The following OPN1SW variants were observed in gnomAD, a reference collection of about 807,000 sequenced individuals.
The protein encoded by OPN1SW is short-wave-sensitive opsin 1.
OPN1SW carries 25 observed loss-of-function variants against 31.9 expected under a neutral mutation model. The ratio of observed to expected loss-of-function variants is 0.78; its 90% CI spans 0.57 to 1.09. The LOEUF (loss-of-function observed/expected upper bound fraction) is 1.09, where lower values mean the gene tolerates loss of function less well. Among genes scored for constraint, OPN1SW ranks in the 50% least tolerant of loss-of-function variants. The probability of loss-of-function intolerance (pLI) is 0.00; values close to 1 mark genes in which losing one functional copy is unlikely to be tolerated. For missense variants in OPN1SW, 424 were observed against 448.0 expected (o/e 0.95, Z 0.48); for synonymous variants, 190 against 171.9 (o/e 1.11, Z -0.82).
At position 128,774,836 on chromosome 7, in the gene OPN1SW, G is replaced by A. The variant is rs138123241; in HGVS notation, c.512+150C>T. On this transcript the variant is annotated intron_variant, in intron 2 of 4. Transcript: ENST00000249389. The stretch of plus-strand genomic sequence containing the variant: ...CAGCAATTCCAACTGCAGAGTAAAC[G>A]TTAGCACTTGTCTCCCACTGCCCTT... The A allele has an allele frequency of 1.1e-3, 1,470 of 1,300,760 alleles. 44 individuals carry two copies. The Admixed American group carries it at 0.028, about 24-fold the overall frequency. 80.6% of individuals were successfully genotyped at this position (1,300,760 alleles called of 1,614,324 possible). A position where few individuals can be genotyped will look rare whatever the true frequency, so the allele number is the denominator to read the frequency against.
At chr7:128,774,286 A>T (rs1585028409) in intron 3 of OPN1SW, among the ~76,000 whole-genome samples, 1 of 151,862 alleles carries the variant, frequency 6.6e-6, no homozygotes, top group East Asian at 1.9e-4. Context: ...GGGATGGGGG[A>T]GGGGGCATCC....
At chr7:128,774,773 C>T (rs1585028736) in intron 2 of OPN1SW, 110 bp from the exon 3 acceptor site, 1 of 1,496,528 alleles carries the variant, frequency 6.7e-7, no homozygotes, top group East Asian at 2.4e-5. Flanking sequence ...CCTAAGGCTT[C>T]AAGCAGGGGG....
rs777850656 is a variant in OPN1SW, at chr7:128,775,033, C to T, written c.465G>A (p.Trp155Ter). ...GGATGGAGACGCCAATACCAATGGTCCAGGTAGCCAGGACCACCGTCAGTG... is the reference window on the plus strand; with the variant it reads ...GGATGGAGACGCCAATACCAATGGTTCAGGTAGCCAGGACCACCGTCAGTG... ...KHALTVVLAT[W>*]TIGIGVSIPP... The change falls in exon 2 of 5, where the codon TGG (tryptophan) becomes TGA (stop). Residue 155 changes from tryptophan to a stop codon, truncating the protein, a stop_gained. Transcript: ENST00000249389. LOFTEE classifies it high-confidence loss of function. 1 of 1,614,190 alleles carries T rather than the reference C, an allele frequency of 6.2e-7. No individual in the cohort carries two copies. Among genetic ancestry groups the T allele is most frequent in the Non-Finnish European group, 8.5e-7 (1 of 1,180,036 alleles).
chr7:128,772,774 T>A, intron 4 of OPN1SW, 115 bp from the exon 5 acceptor site: 1 of 1,403,646 alleles, frequency 7.1e-7, no homozygotes, highest in Non-Finnish European at 1.0e-6. Flanking sequence ...CAGAATGCCC[T>A]TAGGTGGTTT....
intron 4 of OPN1SW, among the ~76,000 whole-genome samples, chr7:128,772,937 C>G (rs926772265): frequency 5.3e-5 from 8 of 152,178 alleles, no homozygotes; most frequent in Non-Finnish European, 2.9e-5. Flanking sequence ...AGCAGAGGCC[C>G]CTCCATTACT....
Position 128,773,699 on chromosome 7 carries a change from T to C in OPN1SW, c.868A>G (p.Lys290Glu). 1.2e-6 allele frequency: 2 copies of C among 1,614,212 alleles called. No individual in the cohort carries two copies. Among genetic ancestry groups the C allele is most frequent in the Non-Finnish European group, 1.7e-6 (2 of 1,180,034 alleles). ...ATGGGATTGTAGATGCAAGCACTCT[T>C]GGAGAAGAATGAAGGAATGGTGACA... ...RLVTIPSFFS[K>E]SACIYNPIIY... The change falls in exon 4 of 5, where the codon AAG becomes GAG. Residue 290 changes from lysine to glutamate, a missense_variant. Coordinates refer to ENST00000249389, the MANE Select transcript of OPN1SW (RefSeq NM_001385125.1).
Position 128,773,851 on chromosome 7 carries a change from T to C in OPN1SW, c.716A>G (p.Lys239Arg). 1 of 1,612,990 alleles carries C rather than the reference T, an allele frequency of 6.2e-7. No homozygotes were observed. Among genetic ancestry groups the C allele is most frequent in the Non-Finnish European group, 8.5e-7 (1 of 1,180,006 alleles). The part of the protein sequence containing the change: ...AQQQESATTQ[K>R]AEREVSRMVV... ...CATGCGGCTCACCTCCCGTTCAGCC[T>C]TCTGGGTCGTAGCTGACTCCTGCTG... The change falls in exon 4 of 5, where the codon AAG becomes AGG. Residue 239 changes from lysine (K) to arginine (R), a missense_variant. Coordinates refer to ENST00000249389, the MANE Select transcript of OPN1SW (RefSeq NM_001385125.1).
In OPN1SW at chr7:128,775,087, G is replaced by A. The variant is rs146420285; in HGVS notation, c.411C>T (p.Phe137=). The A allele has an allele frequency of 1.2e-5, 20 of 1,614,196 alleles. No homozygotes were observed. In the East Asian group the frequency reaches 2.0e-4, roughly 16 times the overall value. The part of the protein sequence containing the change: ...FERYIVICKP[F]GNFRFSSKHA... ...GCTTGGAGCTGAAGCGGAAGTTGCCGAAGGGCTTACAGATGACAATGTAGC... is the reference window on the plus strand; with the variant it reads ...GCTTGGAGCTGAAGCGGAAGTTGCCAAAGGGCTTACAGATGACAATGTAGC... The change falls in exon 2 of 5, where the codon TTC becomes TTT. Residue 137 remains phenylalanine (F), a synonymous_variant. Transcript: ENST00000249389.
chr7:128,773,413 G>A (rs573702163), intron 4 of OPN1SW, among the ~76,000 whole-genome samples: 1 of 152,138 alleles, frequency 6.6e-6, no homozygotes, highest in East Asian at 1.9e-4. Flanking sequence ...CTGTTCTTTG[G>A]AGCAACTTCA....
intron 3 of OPN1SW, 78 bp downstream of exon 3, chr7:128,774,420 A>G: frequency 6.4e-7 from 1 of 1,571,218 alleles, no homozygotes; most frequent in Non-Finnish European, 8.7e-7. Context: ...ATTTCCAGGC[A>G]TCTTATGTTT....
chr7:128,774,724 T>G (rs1326974496), intron 2 of OPN1SW, 61 bp from the exon 3 acceptor site: 1 of 1,605,970 alleles, frequency 6.2e-7, no homozygotes, highest in African/African-American at 1.3e-5. Context: ...GGAGCTGAGA[T>G]GCCTGGATTG....
intron 1 of OPN1SW, 28 bp downstream of exon 1, chr7:128,775,411 C>T: frequency 1.2e-6 from 2 of 1,600,098 alleles, no homozygotes; most frequent in Non-Finnish European, 1.7e-6. Context: ...CCTTTGCCTT[C>T]CCCTAACCCC....
chr7:128,775,530 A>G lies in OPN1SW; in HGVS notation c.252T>C (p.Ser84=). 6.2e-7 allele frequency: 1 copy of G among 1,614,100 alleles called. No individual in the cohort carries two copies. The highest frequency in any genetic ancestry group is 8.5e-7 in the Non-Finnish European group (1 of 1,179,984). The part of the protein sequence containing the change: ...SFGGFLLCIF[S]VFPVFVASCN... Reference sequence around the variant, plus strand: ...AGCTGGCGACGAAGACAGGGAAGACAGAGAAGATGCAGAGGAGGAAGCCTC... The same window carrying G: ...AGCTGGCGACGAAGACAGGGAAGACGGAGAAGATGCAGAGGAGGAAGCCTC... Residue 84 remains serine (S), a synonymous_variant, in exon 1 of 5, where the codon TCT becomes TCC. Coordinates refer to ENST00000249389, the MANE Select transcript of OPN1SW (RefSeq NM_001385125.1).
chr7:128,772,758 T>G (rs1801638951), intron 4 of OPN1SW, 99 bp from the exon 5 acceptor site: 2 of 1,527,254 alleles, frequency 1.3e-6, no homozygotes, highest in Middle Eastern at 3.5e-4. Context: ...CACAATGCTT[T>G]GTACCCAGAA....
chr7:128,774,877 A>G, intron 2 of OPN1SW, 109 bp downstream of exon 2: 14 of 1,477,272 alleles, frequency 9.5e-6, no homozygotes, highest in Non-Finnish European at 1.3e-5. Context: ...TCATATTGCA[A>G]CTCTTTAAAA....
At position 128,773,686 on chromosome 7, in the gene OPN1SW, A is replaced by G. The variant is rs773873073; in HGVS notation, c.881T>C (p.Ile294Thr). Residue 294 changes from isoleucine to threonine, a missense_variant, in exon 4 of 5, where the codon ATC becomes ACC. Transcript: ENST00000249389. ...GAAGCAGTAGATGATGGGATTGTAG[A>G]TGCAAGCACTCTTGGAGAAGAATGA... ...IPSFFSKSAC[I>T]YNPIIYCFMN... The G allele has an allele frequency of 6.2e-7, 1 of 1,614,238 alleles. No homozygotes were observed. The highest frequency in any genetic ancestry group is 2.2e-5 in the East Asian group (1 of 44,886).
Position 128,775,425 on chromosome 7 carries a change from T to A in OPN1SW, c.343+14A>T. 6.2e-7 allele frequency: 1 copy of A among 1,608,450 alleles called. No individual in the cohort carries two copies. ...ACCTTTGCCTTCCCCTAACCCCTTT[T>A]TCCCCTGCAGTACCTGCTACAGTGC... is the stretch of plus-strand genomic sequence containing the variant. On this transcript the variant is annotated intron_variant, in intron 1 of 4. Coordinates refer to ENST00000249389, the MANE Select transcript of OPN1SW (RefSeq NM_001385125.1).
chr7:128,775,700 CAG>C lies in OPN1SW; in HGVS notation c.80_81del (p.Pro27ArgfsTer67), dbSNP rs752374184. On this transcript the variant is annotated frameshift_variant, in exon 1 of 5. Transcript: ENST00000249389. LOFTEE classifies it high-confidence loss of function. The part of the protein sequence containing the change: ...PWDGPQYHIA[P>X]VWAFYLQAAF... Reference sequence around the variant, plus strand: ...GCTGCCTGGAGGTAGAAGGCCCAGACAGGGGCAATGTGGTACTGAGGCCCATC... The same window carrying C: ...GCTGCCTGGAGGTAGAAGGCCCAGACGGGCAATGTGGTACTGAGGCCCATC... 8.7e-6 allele frequency: 14 copies of C among 1,614,062 alleles called. No individual in the cohort carries two copies. The highest frequency in any genetic ancestry group is 4.4e-5 in the South Asian group (4 of 91,088).
At chr7:128,773,497 T>G in intron 4 of OPN1SW, 152 bp downstream of exon 4, 1 of 994,330 alleles carries the variant, frequency 1.0e-6, no homozygotes, top group South Asian at 1.4e-5. Flanking sequence ...TCCCTGTGCT[T>G]ACCAAAGGCT....
Sources: allele counts gnomAD v4.1 joint callset (sites outside exome capture counted in the v4.1 genomes callset), GRCh38; gene constraint gnomAD v4.1.1; transcripts MANE v1.5; gene names NCBI Gene and HGNC (gene_info 2026-07-23, HGNC 2026-07-21).